The following USP25 variants were observed in gnomAD, a reference collection of about 807,000 sequenced individuals.
USP25 encodes ubiquitin specific peptidase 25.
Under a neutral mutation model 158.5 loss-of-function variants are expected in USP25, and 85 were observed. The ratio of observed to expected loss-of-function variants is 0.54; its 90% CI spans 0.45 to 0.64. The LOEUF (loss-of-function observed/expected upper bound fraction) is 0.64. USP25 is among the 30% of genes least tolerant of loss of function. The pLI is 0.00. For missense variants in USP25, 1,242 were observed against 1,327.3 expected (o/e 0.94, Z 1.00); for synonymous variants, 464 against 460.4 (o/e 1.01, Z -0.10).
rs1488531281 is a variant in USP25 at position 15,844,560 on chromosome 21, TTAATA to T, written c.2337+2024_2337+2028del. On this transcript the variant is annotated intron_variant, in intron 18 of 25. Transcript: ENST00000400183. ...AATATGCAATATATTAAAATCAACT[TTAATA>T]TAAGAAAAATTTCCTGGAAAGCGTA... Among the ~76,000 whole-genome samples the T allele has an allele frequency of 3.9e-5, 6 of 152,186 alleles. No homozygotes were observed. The East Asian group carries it at 5.8e-4, about 15-fold the overall frequency.
chr21:15,848,280 C>T (rs886156456), intron 19 of USP25, among the ~76,000 whole-genome samples: 1 of 152,054 alleles, frequency 6.6e-6, no homozygotes, highest in East Asian at 1.9e-4. Context: ...GAGTGCCTAC[C>T]GTTAATAGGA....
chr21:15,870,818 T>C (rs902321084), intron 23 of USP25, among the ~76,000 whole-genome samples: 5 of 152,220 alleles, frequency 3.3e-5, no homozygotes, highest in Non-Finnish European at 7.3e-5. Context: ...TTTTTTGTTT[T>C]ATGAAATTTA....
intron 1 of USP25, among the ~76,000 whole-genome samples, chr21:15,745,541 TCTCA>T (rs1433116805): frequency 6.7e-6 from 1 of 148,370 alleles, no homozygotes; most frequent in African/African-American, 2.5e-5. Context: ...AATGGCATGA[TCTCA>T]CTCACTGCAG....
chr21:15,877,564 A>G (rs2146619633), intron 24 of USP25: 2 of 352,058 alleles, frequency 5.7e-6, no homozygotes, highest in Non-Finnish European at 1.0e-5. Flanking sequence ...GAAAAACACA[A>G]TAATGTTTTC....
chr21:15,834,840 C>T (rs893469037), intron 17 of USP25, among the ~76,000 whole-genome samples: 1 of 152,180 alleles, frequency 6.6e-6, no homozygotes, highest in Non-Finnish European at 1.5e-5. Context: ...TGTAGGGCTG[C>T]ACTTTTCCCC....
intron 9 of USP25, among the ~76,000 whole-genome samples, chr21:15,817,599 TGGCTGGGGAGGCCTAACAATCATG>T (rs970386429): frequency 3.3e-5 from 5 of 152,194 alleles, no homozygotes; most frequent in South Asian, 2.1e-4. Flanking sequence ...CAGTTTTACA[TGGCTGGGGAGGCCTAACAATCATG>T]GGCTGGGGAG....
chr21:15,826,755 AAT>A lies in USP25; in HGVS notation c.1467-219_1467-218del, dbSNP rs1303962518. ...AAGATTTTCTTGTTTTTTAGAAATAAATATGATTAAGCTGTTTTAACTCTAAA... is the reference window on the plus strand; with the variant it reads ...AAGATTTTCTTGTTTTTTAGAAATAAATGATTAAGCTGTTTTAACTCTAAA... On this transcript the variant is annotated intron_variant, in intron 13 of 25. Coordinates refer to ENST00000400183, the MANE Select transcript of USP25 (RefSeq NM_001283041.3). The surrounding 1 kb of genome is among the most constrained non-coding windows in gnomAD (Gnocchi z 4.8). Among the ~76,000 whole-genome samples the A allele has an allele frequency of 2.0e-5, 3 of 152,222 alleles. No individual in the cohort carries two copies. Among genetic ancestry groups the A allele is most frequent in the African/African-American group, 7.2e-5 (3 of 41,464 alleles).
chr21:15,784,464 C>T (rs1341768517), intron 4 of USP25, among the ~76,000 whole-genome samples: 4 of 151,812 alleles, frequency 2.6e-5, no homozygotes, highest in South Asian at 2.1e-4. Flanking sequence ...CCAAGCTACT[C>T]GGGTGGCTGA....
chr21:15,794,115 T>A (rs2223176), intron 5 of USP25, among the ~76,000 whole-genome samples: 30,468 of 151,556 alleles, frequency 0.2, 4,770 homozygotes, highest in African/African-American at 0.44. Flanking sequence ...ATTTGAAACA[T>A]CTGGGAATTC....
intron 10 of USP25, among the ~76,000 whole-genome samples, chr21:15,822,650 A>G (rs2037291353): frequency 6.6e-6 from 1 of 151,982 alleles, no homozygotes; most frequent in African/African-American, 2.4e-5. Flanking sequence ...CTAAAGAATC[A>G]AAAGTGTTCT....
At chr21:15,858,035 A>G (rs2146525950) in intron 20 of USP25, among the ~76,000 whole-genome samples, 1 of 152,194 alleles carries the variant, frequency 6.6e-6, no homozygotes, top group Non-Finnish European at 1.5e-5. Context: ...GGGTCTCTGT[A>G]TTCCACTGAT....
chr21:15,854,044 T>A (rs951951120), intron 20 of USP25, among the ~76,000 whole-genome samples: 1 of 152,226 alleles, frequency 6.6e-6, no homozygotes, highest in African/African-American at 2.4e-5. Context: ...TGGTTGCTGC[T>A]TCTGTCTTCC....
chr21:15,780,734 A>G (rs1222339371), intron 4 of USP25, among the ~76,000 whole-genome samples: 2 of 152,206 alleles, frequency 1.3e-5, no homozygotes. Flanking sequence ...GGAATTCTGA[A>G]TTATTAAAAT....
chr21:15,842,316 A>G, intron 17 of USP25, 82 bp from the exon 18 acceptor site: 5 of 1,432,658 alleles, frequency 3.5e-6, no homozygotes, highest in Non-Finnish European at 4.7e-6. Flanking sequence ...ATAACTTCAG[A>G]CATAGAAATG....
chr21:15,853,436 T>C (rs1221159891), intron 20 of USP25, among the ~76,000 whole-genome samples: 1 of 152,292 alleles, frequency 6.6e-6, no homozygotes, highest in Non-Finnish European at 1.5e-5. Flanking sequence ...TATGGACATG[T>C]GTCCTATATT....
intron 1 of USP25, among the ~76,000 whole-genome samples, chr21:15,759,650 A>C (rs1157564943): frequency 6.6e-6 from 1 of 152,176 alleles, no homozygotes; most frequent in Admixed American, 6.5e-5. Flanking sequence ...TATCATGCAA[A>C]TGAAGCCTCC....
chr21:15,832,691 G>C (rs1355525763), intron 16 of USP25, among the ~76,000 whole-genome samples: 1 of 151,774 alleles, frequency 6.6e-6, no homozygotes, highest in African/African-American at 2.4e-5. Flanking sequence ...AATAGTGGCA[G>C]AAGTAGTATT....
intron 20 of USP25, among the ~76,000 whole-genome samples, chr21:15,857,078 T>G (rs914820754): frequency 1.3e-5 from 2 of 152,178 alleles, no homozygotes; most frequent in African/African-American, 4.8e-5. Context: ...TAGTCCTAGG[T>G]TTAAATCCTA....
At position 15,826,961 on chromosome 21, in the gene USP25, C is replaced by T. The variant is rs370661687; in HGVS notation, c.1467-16C>T. 6.2e-7 allele frequency: 1 copy of T among 1,611,094 alleles called. No individual in the cohort carries two copies. The highest frequency in any genetic ancestry group is 8.5e-7 in the Non-Finnish European group (1 of 1,179,386). On this transcript the variant is annotated splice_polypyrimidine_tract_variant and intron_variant, in intron 13 of 25. Transcript: ENST00000400183. The surrounding 1 kb of genome is among the most constrained non-coding windows in gnomAD (Gnocchi z 4.8). ...GCTTGAAAGGTTAATAAGAAATACTCTATGCTTTGATACAGCACAACAGAA... is the reference window on the plus strand; with the variant it reads ...GCTTGAAAGGTTAATAAGAAATACTTTATGCTTTGATACAGCACAACAGAA...
Sources: allele counts gnomAD v4.1 joint callset (sites outside exome capture counted in the v4.1 genomes callset), GRCh38; gene constraint gnomAD v4.1.1; non-coding constraint Gnocchi (gnomAD v3.1); transcripts MANE v1.5; gene names NCBI Gene and HGNC (gene_info 2026-07-23, HGNC 2026-07-21).